The following CCNG2 variants were observed in gnomAD, a reference collection of about 807,000 sequenced individuals.
CCNG2 encodes the protein cyclin G2, also known as cyclin-G2.
Under a neutral mutation model 36.5 loss-of-function variants are expected in CCNG2, and 20 were observed. That is an observed-to-expected ratio of 0.55 (90% CI 0.39 to 0.80). The LOEUF (loss-of-function observed/expected upper bound fraction) is 0.80. Ranked by LOEUF, CCNG2 falls within the 30% of genes least tolerant of loss-of-function variation. CCNG2 has a pLI of 0.00. For synonymous variants in CCNG2, 155 were observed against 140.1 expected, an observed-to-expected ratio of 1.11 and a Z score of -0.75; for missense variants, 358 against 390.8, an observed-to-expected ratio of 0.92 and a Z score of 0.71.
intron 6 of CCNG2, 49 bp from the exon 7 acceptor site, chr4:77,164,225 C>G: frequency 7.1e-7 from 1 of 1,414,852 alleles, no homozygotes; most frequent in Non-Finnish European, 1.0e-6. Flanking sequence ...CAAGGTGCAG[C>G]AAGATTTGGG....
At chr4:77,160,313 T>G (rs1008490329) in intron 3 of CCNG2, among the ~76,000 whole-genome samples, 2 of 152,014 alleles carry the variant, frequency 1.3e-5, no homozygotes, top group Non-Finnish European at 2.9e-5. Context: ...TGCATGGAAA[T>G]TTTTGTACCT....
In CCNG2 at chr4:77,165,828, T is replaced by G. The variant is rs1190392367; in HGVS notation, c.939T>G (p.Cys313Trp). ...AGGACTCTTGTGAAGATATGAGTTGTGGAGAGGAGAGTCTCAGCAGCTCTC... is the reference window on the plus strand; with the variant it reads ...AGGACTCTTGTGAAGATATGAGTTGGGGAGAGGAGAGTCTCAGCAGCTCTC... ...ESEDSCEDMS[C>W]GEESLSSSPP... Residue 313 changes from cysteine to tryptophan, a missense_variant, in exon 8 of 8, where the codon TGT (cysteine) becomes TGG (tryptophan). By Grantham distance (215) the Cys-to-Trp change is radical. Transcript: ENST00000316355. The G allele has an allele frequency of 6.2e-7, 1 of 1,606,880 alleles. No individual in the cohort carries two copies. Among genetic ancestry groups the G allele is most frequent in the East Asian group, 2.2e-5 (1 of 44,628 alleles).
In CCNG2 at chr4:77,160,757, T is replaced by C; in HGVS notation, c.313T>C (p.Ser105Pro). 1 of 1,614,034 alleles carries C rather than the reference T, an allele frequency of 6.2e-7. No homozygotes were observed. The highest frequency in any genetic ancestry group is 8.5e-7 in the Non-Finnish European group (1 of 1,179,986). Residue 105 changes from serine to proline, a missense_variant, in exon 4 of 8, where the codon TCT becomes CCT. By Grantham distance (74) the Ser-to-Pro change is moderately conservative. Coordinates refer to ENST00000316355, the MANE Select transcript of CCNG2 (RefSeq NM_004354.3). ...ACATTTGTCTTGCATTGGAGTCTGT[T>C]CTTTTTTGCTGGCTGCTAGAATAGT... ...PKHLSCIGVC[S>P]FLLAARIVEE...
intron 3 of CCNG2, 40 bp from the exon 4 acceptor site, chr4:77,160,673 TAAGTCAAA>T: frequency 6.3e-7 from 1 of 1,583,198 alleles, no homozygotes; most frequent in South Asian, 1.2e-5. Context: ...AAGTATCTGC[TAAGTCAAA>T]GTGACAGTTG....
intron 1 of CCNG2, 156 bp from the exon 2 acceptor site, chr4:77,158,377 C>G: frequency 1.5e-6 from 1 of 683,688 alleles, no homozygotes; most frequent in Non-Finnish European, 2.5e-6. Flanking sequence ...GGGGATTGCC[C>G]TGGGGCTCTG....
At chr4:77,160,191 AT>A (rs3834239) in intron 3 of CCNG2, among the ~76,000 whole-genome samples, 99,291 of 151,536 alleles carry the variant, frequency 0.66, 33,789 homozygotes, top group African/African-American at 0.84. Flanking sequence ...ATCCCAGTAC[AT>A]TTTTTTTTGG....
At chr4:77,163,509 A>G (rs995002687) in intron 6 of CCNG2, among the ~76,000 whole-genome samples, 2 of 152,188 alleles carry the variant, frequency 1.3e-5, no homozygotes, top group East Asian at 3.9e-4. Flanking sequence ...TTTCTGGTGA[A>G]AATATGTGCA....
chr4:77,157,812 G>A (rs1306612013), intron 1 of CCNG2, among the ~76,000 whole-genome samples: 5 of 152,132 alleles, frequency 3.3e-5, no homozygotes, highest in African/African-American at 1.2e-4. Flanking sequence ...GACAGCCCCG[G>A]GGCTCTGCAG....
intron 6 of CCNG2, among the ~76,000 whole-genome samples, 160 bp downstream of exon 6, chr4:77,161,907 AC>A (rs1441101319): frequency 3.9e-5 from 6 of 152,294 alleles, no homozygotes; most frequent in African/African-American, 1.4e-4. Flanking sequence ...TGCAGCTTTG[AC>A]CCAGACAGTA....
Position 77,169,907 on chromosome 4 carries a change from T to G in CCNG2, c.*3983T>G, listed in dbSNP as rs930844061. The G allele has an allele frequency of 2.6e-5, 4 of 152,188 alleles. No individual in the cohort carries two copies. The highest frequency in any genetic ancestry group is 6.5e-5 in the Admixed American group (1 of 15,280). The allele number at this position is 152,188 out of a possible 1,614,324, so 9.4% of individuals were successfully genotyped here. A position where few individuals can be genotyped will look rare whatever the true frequency, so the allele number is the denominator to read the frequency against. Reference sequence around the variant, plus strand: ...AACAGTAATAGATAAGTGAGACAGATTGCTTGTTATTTATGGTCAAATGGT... The same window carrying G: ...AACAGTAATAGATAAGTGAGACAGAGTGCTTGTTATTTATGGTCAAATGGT... On this transcript the variant is annotated 3_prime_UTR_variant, in exon 8 of 8. Transcript: ENST00000316355.
At position 77,165,859 on chromosome 4, in the gene CCNG2, A is replaced by C. The variant is rs780254344; in HGVS notation, c.970A>C (p.Ser324Arg). 5 of 1,611,508 alleles carry C rather than the reference A, an allele frequency of 3.1e-6. No individual in the cohort carries two copies. The highest frequency in any genetic ancestry group is 3.3e-4 in the Middle Eastern group (2 of 6,080). Reference protein sequence around the residue: ...GEESLSSSPPSDQECTFFFNF... With the variant: ...GEESLSSSPPRDQECTFFFNF... ...GGAGAGTCTCAGCAGCTCTCCTCCC[A>C]GTGATCAAGAGTGCACCTTCTTTTT... The change falls in exon 8 of 8, where the codon AGT becomes CGT. Residue 324 changes from serine (S) to arginine (R), a missense_variant. Physicochemically the swap from Ser to Arg is moderately radical, Grantham distance 110. Transcript: ENST00000316355.
rs1731718546 is a variant in CCNG2 at position 77,169,652 on chromosome 4, A to G, written c.*3728A>G. On this transcript the variant is annotated 3_prime_UTR_variant, in exon 8 of 8. Coordinates refer to ENST00000316355, the MANE Select transcript of CCNG2 (RefSeq NM_004354.3). ...TTGGAAGCTAGCCACCATGCTGCAA[A>G]GAAGCTCAGCTGGATTACTGAAAGA... is the stretch of plus-strand genomic sequence containing the variant. The G allele has an allele frequency of 6.6e-6, 1 of 152,242 alleles. No homozygotes were observed. Among genetic ancestry groups the G allele is most frequent in the Non-Finnish European group, 1.5e-5 (1 of 68,066 alleles). 9.4% of individuals were successfully genotyped at this position (152,242 alleles called of 1,614,324 possible).
rs1253375162 is a variant in CCNG2 at position 77,157,260 on chromosome 4, G to GC, written c.-246dup. Reference sequence around the variant, plus strand: ...AGGTTTCCGCTGAGGCGGCGGGGGTGCGGCGGTGGGCTGGTCTTCCGCGGC... The same window carrying GC: ...AGGTTTCCGCTGAGGCGGCGGGGGTGCCGGCGGTGGGCTGGTCTTCCGCGGC... On this transcript the variant is annotated 5_prime_UTR_variant, in exon 1 of 8. Transcript: ENST00000316355. The GC allele has an allele frequency of 6.6e-6, 1 of 152,286 alleles. No homozygotes were observed. The highest frequency in any genetic ancestry group is 1.5e-5 in the Non-Finnish European group (1 of 68,134). The allele number at this position is 152,286 out of a possible 1,614,324, so 9.4% of individuals were successfully genotyped here. A position where few individuals can be genotyped will look rare whatever the true frequency, so the allele number is the denominator to read the frequency against.
Position 77,157,378 on chromosome 4 carries a change from G to C in CCNG2, c.-129G>C, listed in dbSNP as rs1280844591. 2.0e-5 allele frequency: 3 copies of C among 152,530 alleles called. No individual in the cohort carries two copies. The highest frequency in any genetic ancestry group is 2.9e-5 in the Non-Finnish European group (2 of 68,342). The allele number at this position is 152,530 out of a possible 1,614,324, so 9.4% of individuals were successfully genotyped here. On this transcript the variant is annotated 5_prime_UTR_variant, in exon 1 of 8. Coordinates refer to ENST00000316355, the MANE Select transcript of CCNG2 (RefSeq NM_004354.3). ...GCGGCGGTGCCTGGGAGGAAGGGTCGGATGCCGGACCGGGGGCACCGCTGA... is the reference window on the plus strand; with the variant it reads ...GCGGCGGTGCCTGGGAGGAAGGGTCCGATGCCGGACCGGGGGCACCGCTGA...
At chr4:77,157,754 C>G (rs1731303205) in intron 1 of CCNG2, among the ~76,000 whole-genome samples, 1 of 152,162 alleles carries the variant, frequency 6.6e-6, no homozygotes, top group African/African-American at 2.4e-5. Context: ...GCCCCCCGCC[C>G]CCGCTCGTGT....
At position 77,167,910 on chromosome 4, in the gene CCNG2, G is replaced by T. The variant is rs941796998; in HGVS notation, c.*1986G>T. ...CTTTCAGATTTTGATTTGTTGAGAT[G>T]TAAAAGTTGTTTGGGGCTTACCAAA... On this transcript the variant is annotated 3_prime_UTR_variant, in exon 8 of 8. Coordinates refer to ENST00000316355, the MANE Select transcript of CCNG2 (RefSeq NM_004354.3). 2.6e-5 allele frequency: 4 copies of T among 152,196 alleles called. No individual in the cohort carries two copies. The highest frequency in any genetic ancestry group is 5.9e-5 in the Non-Finnish European group (4 of 68,038). 9.4% of individuals were successfully genotyped at this position (152,196 alleles called of 1,614,324 possible). A position where few individuals can be genotyped will look rare whatever the true frequency, so the allele number is the denominator to read the frequency against.
Position 77,166,776 on chromosome 4 carries a change from A to G in CCNG2, c.*852A>G, listed in dbSNP as rs1229041273. 1 of 152,204 alleles carries G rather than the reference A, an allele frequency of 6.6e-6. No individual in the cohort carries two copies. The highest frequency in any genetic ancestry group is 1.5e-5 in the Non-Finnish European group (1 of 68,022). The allele number at this position is 152,204 out of a possible 1,614,324, so 9.4% of individuals were successfully genotyped here. ...TATATTAAAAAATGTCTGCATGATT[A>G]CATTTTATTTCCTTTGTAATTTACA... On this transcript the variant is annotated 3_prime_UTR_variant, in exon 8 of 8. Transcript: ENST00000316355.
In CCNG2 at chr4:77,158,542, T is replaced by G. The variant is rs4150050; in HGVS notation, c.10T>G (p.Leu4Val). The G allele has an allele frequency of 0.028, 44,726 of 1,613,954 alleles. 752 individuals are homozygous for G. Among genetic ancestry groups the G allele is most frequent in the Non-Finnish European group, 0.033 (38,491 of 1,179,860 alleles). MKD[L>V]GAEHLAGHEG... ...GGTGTCTTTACTGCAGATGAAGGAT[T>G]TGGGGGCAGAGCACTTGGCAGGTCA... Residue 4 changes from leucine to valine, a missense_variant, in exon 2 of 8, where the codon TTG becomes GTG. Coordinates refer to ENST00000316355, the MANE Select transcript of CCNG2 (RefSeq NM_004354.3).
rs76750248 is a variant in CCNG2 at position 77,159,623 on chromosome 4, A to T, written c.276+119A>T. ...ACGTCCACTGTACATAAAAATTTAT[A>T]ATCAGAATTGTGATCGTTAGTGCCA... On this transcript the variant is annotated intron_variant, in intron 3 of 7. Transcript: ENST00000316355. The T allele has an allele frequency of 1.1e-3, 1,045 of 920,140 alleles. 7 individuals carry two copies. In the African/African-American group the frequency reaches 0.016, roughly 14 times the overall value. The allele number at this position is 920,140 out of a possible 1,614,324, so 57.0% of individuals were successfully genotyped here.
Sources: allele counts gnomAD v4.1 joint callset (sites outside exome capture counted in the v4.1 genomes callset), GRCh38; gene constraint gnomAD v4.1.1; transcripts MANE v1.5; gene names NCBI Gene and HGNC (gene_info 2026-07-23, HGNC 2026-07-21).